GABRA2: variants seen among roughly 807,000 people sequenced by gnomAD.
GABRA2 encodes the protein gamma-aminobutyric acid type A receptor subunit alpha2.
GABRA2 carries 16 observed loss-of-function variants against 48.7 expected under a neutral mutation model. The observed-to-expected ratio is 0.33, with a 90% CI of 0.22 to 0.50. GABRA2 has a LOEUF of 0.50. Among genes scored for constraint, GABRA2 ranks in the 20% least tolerant of loss-of-function variants. The pLI is 0.98. For synonymous variants in GABRA2, 185 were observed against 184.5 expected, an observed-to-expected ratio of 1.00 and a Z score of -0.02; for missense variants, 275 against 535.6, an observed-to-expected ratio of 0.51 and a Z score of 4.80.
At chr4:46,256,722 T>C (rs1027992782) in intron 9 of GABRA2, among the ~76,000 whole-genome samples, 2 of 151,642 alleles carry the variant, frequency 1.3e-5, no homozygotes, top group African/African-American at 4.8e-5. Flanking sequence ...TTTATTTAAT[T>C]ATAATTTAAA....
At chr4:46,333,412 G>C (rs1731701541) in intron 3 of GABRA2, among the ~76,000 whole-genome samples, 1 of 151,926 alleles carries the variant, frequency 6.6e-6, no homozygotes, top group South Asian at 2.1e-4. Flanking sequence ...TGGGGAAAAG[G>C]TCAAAGAAAG....
intron 3 of GABRA2, among the ~76,000 whole-genome samples, chr4:46,344,084 A>G (rs751172320): frequency 1.3e-5 from 2 of 152,014 alleles, no homozygotes; most frequent in Non-Finnish European, 2.9e-5. Flanking sequence ...CAAAAAGTAG[A>G]TGAATATACC....
chr4:46,332,233 C>T (rs1004890145), intron 4 of GABRA2, among the ~76,000 whole-genome samples: 2 of 152,142 alleles, frequency 1.3e-5, no homozygotes, highest in Admixed American at 6.6e-5. Context: ...ATGTGATACA[C>T]TGACCATGAC....
chr4:46,351,936 TTA>T (rs1735193911), intron 3 of GABRA2, among the ~76,000 whole-genome samples: 1 of 151,802 alleles, frequency 6.6e-6, no homozygotes. Context: ...TTATATAAAC[TTA>T]TAAGTTGATA....
chr4:46,380,508 T>C (rs1169812077), intron 3 of GABRA2, among the ~76,000 whole-genome samples: 2 of 152,222 alleles, frequency 1.3e-5, no homozygotes, highest in Non-Finnish European at 2.9e-5. Flanking sequence ...AATTTCTACA[T>C]GTATTGAGTT....
intron 8 of GABRA2, among the ~76,000 whole-genome samples, chr4:46,273,504 T>TATATATATATGC (rs1719849767): frequency 1.0e-4 from 2 of 19,986 alleles, no homozygotes; most frequent in Non-Finnish European, 2.0e-4. Context: ...TATATATGCA[T>TATATATATATGC]ATATATATAT....
At chr4:46,295,994 C>A (rs1560491420) in intron 8 of GABRA2, among the ~76,000 whole-genome samples, 1 of 152,152 alleles carries the variant, frequency 6.6e-6, no homozygotes, top group African/African-American at 2.4e-5. Context: ...TCATGGAATT[C>A]ATTGTTTATA....
intron 1 of GABRA2, chr4:46,388,981 T>A (rs1717861813): frequency 8.0e-7 from 1 of 1,244,428 alleles, no homozygotes; most frequent in Non-Finnish European, 1.0e-6. Flanking sequence ...GTAATCAGAC[T>A]TCTCTCTGCC....
chr4:46,245,347 C>T lies in GABRA2; in HGVS notation c.*4961G>A, dbSNP rs986096649. Among the ~76,000 whole-genome samples the T allele has an allele frequency of 2.2e-4, 33 of 151,140 alleles. No individual in the cohort carries two copies. Among genetic ancestry groups the T allele is most frequent in the African/African-American group, 7.7e-4 (32 of 41,318 alleles). ...TAACTTTTAGAAGAGCTTACACAAGCCTCCGTTGAGAAACCTGGCATTCAA... is the reference window on the plus strand; with the variant it reads ...TAACTTTTAGAAGAGCTTACACAAGTCTCCGTTGAGAAACCTGGCATTCAA... On this transcript the variant is annotated 3_prime_UTR_variant, in exon 10 of 10. Coordinates refer to ENST00000381620, the MANE Select transcript of GABRA2 (RefSeq NM_000807.4).
intron 8 of GABRA2, among the ~76,000 whole-genome samples, chr4:46,280,053 T>TA (rs75721400): frequency 6.6e-6 from 1 of 150,830 alleles, no homozygotes; most frequent in East Asian, 2.0e-4. Context: ...AGTTTTTTTT[T>TA]AAAAAATGAG....
intron 3 of GABRA2, among the ~76,000 whole-genome samples, chr4:46,351,568 TAG>T (rs537351236): frequency 4.6e-5 from 7 of 151,878 alleles, no homozygotes; most frequent in Non-Finnish European, 8.8e-5. Context: ...ACCAAAAAAG[TAG>T]AGAGACAAGA....
At chr4:46,266,584 G>A (rs1050886004) in intron 8 of GABRA2, among the ~76,000 whole-genome samples, 7 of 151,106 alleles carry the variant, frequency 4.6e-5, no homozygotes, top group Admixed American at 1.3e-4. Flanking sequence ...GCATTCCACA[G>A]TTTTATTATG....
intron 3 of GABRA2, among the ~76,000 whole-genome samples, chr4:46,380,757 T>G (rs576845102): frequency 4.6e-5 from 7 of 152,330 alleles, no homozygotes; most frequent in Admixed American, 2.0e-4. Context: ...AGAATTCCTC[T>G]TAGGTTCTGG....
intron 1 of GABRA2, 190 bp from the exon 2 acceptor site, chr4:46,388,906 C>A: frequency 7.5e-7 from 1 of 1,340,712 alleles, no homozygotes; most frequent in Non-Finnish European, 9.6e-7. Context: ...CACCCCCACC[C>A]TTTTCCTTTC....
intron 8 of GABRA2, among the ~76,000 whole-genome samples, chr4:46,276,083 T>G (rs1352574108): frequency 6.6e-6 from 1 of 152,054 alleles, no homozygotes; most frequent in African/African-American, 2.4e-5. Context: ...AACATTACTC[T>G]TACCAAAAAT....
intron 8 of GABRA2, among the ~76,000 whole-genome samples, chr4:46,278,282 A>G (rs1004659026): frequency 2.0e-5 from 3 of 152,202 alleles, no homozygotes; most frequent in African/African-American, 7.2e-5. Flanking sequence ...TTTAAATTTA[A>G]GAAACCCTTC....
intron 8 of GABRA2, among the ~76,000 whole-genome samples, chr4:46,276,537 G>T (rs1043364858): frequency 1.3e-5 from 2 of 148,868 alleles, no homozygotes; most frequent in Non-Finnish European, 3.0e-5. Context: ...TGGAGATTTA[G>T]TAATTCTGAC....
At chr4:46,296,901 A>G (rs1002940305) in intron 8 of GABRA2, among the ~76,000 whole-genome samples, 2 of 152,110 alleles carry the variant, frequency 1.3e-5, no homozygotes, top group Non-Finnish European at 2.9e-5. Context: ...GCTGTACAAG[A>G]TTTATTGACC....
chr4:46,315,152 T>TG (rs1278959512), intron 4 of GABRA2, among the ~76,000 whole-genome samples: 1 of 151,642 alleles, frequency 6.6e-6, no homozygotes, highest in Non-Finnish European at 1.5e-5. Context: ...TTTTTTTTTT[T>TG]TCTAACTTTT....
Sources: allele counts gnomAD v4.1 joint callset (sites outside exome capture counted in the v4.1 genomes callset), GRCh38; gene constraint gnomAD v4.1.1; transcripts MANE v1.5; gene names NCBI Gene and HGNC (gene_info 2026-07-23, HGNC 2026-07-21).